The following CDC73 variants were observed in gnomAD, a reference collection of about 807,000 sequenced individuals.
CDC73 encodes cell division cycle 73.
Under a neutral mutation model 83.7 loss-of-function variants are expected in CDC73, and 21 were observed. The ratio of observed to expected loss-of-function variants is 0.25; its 90% CI spans 0.18 to 0.36. CDC73 has a LOEUF of 0.36. Among genes scored for constraint, CDC73 ranks in the 10% least tolerant of loss-of-function variants. The pLI, the probability that CDC73 is intolerant of heterozygous loss-of-function variation, is 1.00. For missense variants in CDC73, 342 were observed against 653.3 expected (o/e 0.52, Z 5.19); for synonymous variants, 224 against 212.9 (o/e 1.05, Z -0.45).
At chr1:193,247,816 G>A (rs1677979805) in intron 15 of CDC73, among the ~76,000 whole-genome samples, 1 of 152,094 alleles carries the variant, frequency 6.6e-6, no homozygotes, top group Non-Finnish European at 1.5e-5. Flanking sequence ...TGAAGGCTGA[G>A]AGAGGAGAGA....
intron 2 of CDC73, among the ~76,000 whole-genome samples, chr1:193,128,728 T>G (rs1176173775): frequency 6.6e-6 from 1 of 152,218 alleles, no homozygotes; most frequent in Non-Finnish European, 1.5e-5. Context: ...AGTGATTAAA[T>G]ACAGTTTATC....
chr1:193,171,190 G>A (rs1676512959), intron 10 of CDC73, among the ~76,000 whole-genome samples: 1 of 152,200 alleles, frequency 6.6e-6, no homozygotes, highest in Non-Finnish European at 1.5e-5. Flanking sequence ...CTAGGTCCCA[G>A]CGATATTCCC....
chr1:193,229,493 G>A (rs1677620996), intron 13 of CDC73, among the ~76,000 whole-genome samples: 1 of 152,238 alleles, frequency 6.6e-6, no homozygotes, highest in South Asian at 2.1e-4. Flanking sequence ...GGAGGACGCA[G>A]CAATAATACG....
chr1:193,155,330 G>A (rs1558290518), intron 10 of CDC73, among the ~76,000 whole-genome samples: 2 of 152,146 alleles, frequency 1.3e-5, no homozygotes, highest in Non-Finnish European at 2.9e-5. Flanking sequence ...TGTATAGTTG[G>A]GTTTCTGGTT....
At chr1:193,130,824 T>G (rs992800401) in intron 3 of CDC73, among the ~76,000 whole-genome samples, 1 of 152,216 alleles carries the variant, frequency 6.6e-6, no homozygotes, top group African/African-American at 2.4e-5. Flanking sequence ...CTCAACAGCA[T>G]TTGATACTGT....
intron 10 of CDC73, chr1:193,180,284 A>T: frequency 6.5e-7 from 1 of 1,535,860 alleles, no homozygotes; most frequent in Non-Finnish European, 8.7e-7. Flanking sequence ...TTGAAAAAAA[A>T]TTGTCTTTTC....
At position 193,234,341 on chromosome 1, in the gene CDC73, AAT is replaced by A. The variant is rs1359879878; in HGVS notation, c.1316+1202_1316+1203del. On this transcript the variant is annotated intron_variant, in intron 14 of 16. Transcript: ENST00000367435. Reference sequence around the variant, plus strand: ...TATATATATTTAAAACACACACATAAATATATATATATATATTTAAAATTATA... The same window carrying A: ...TATATATATTTAAAACACACACATAAATATATATATATATTTAAAATTATA... Among the ~76,000 whole-genome samples, 125 of 136,624 alleles carry A rather than the reference AAT, an allele frequency of 9.1e-4. 1 individual carries two copies. The highest frequency in any genetic ancestry group is 7.5e-3 in the East Asian group (38 of 5,046). The allele number at this position is 136,624 out of a possible 152,430, so 89.6% of individuals were successfully genotyped here. A position where few individuals can be genotyped will look rare whatever the true frequency, so the allele number is the denominator to read the frequency against.
rs186985559 is a variant in CDC73, at chr1:193,182,918, A to G, written c.973-20877A>G. Among the ~76,000 whole-genome samples, 22 of 152,192 alleles carry G rather than the reference A, an allele frequency of 1.4e-4. No individual in the cohort carries two copies. The East Asian group carries it at 4.0e-3, about 28-fold the overall frequency. ...TTTCCAACTTTTTATTATGAAAATTACTTCTTTAAGCAAAAGAAATCAATT... is the reference window on the plus strand; with the variant it reads ...TTTCCAACTTTTTATTATGAAAATTGCTTCTTTAAGCAAAAGAAATCAATT... On this transcript the variant is annotated intron_variant, in intron 10 of 16. Coordinates refer to ENST00000367435, the MANE Select transcript of CDC73 (RefSeq NM_024529.5).
intron 10 of CDC73, among the ~76,000 whole-genome samples, chr1:193,158,124 T>C (rs1047132665): frequency 3.8e-4 from 57 of 151,602 alleles, no homozygotes; most frequent in African/African-American, 7.5e-4. Context: ...TTGTTAATGA[T>C]ATAATTTTCA....
intron 13 of CDC73, among the ~76,000 whole-genome samples, chr1:193,227,406 A>C (rs1009322778): frequency 1.3e-5 from 2 of 151,826 alleles, no homozygotes; most frequent in Non-Finnish European, 2.9e-5. Context: ...CTGAGGTGGG[A>C]AGATTGCTTG....
chr1:193,134,677 A>G (rs527775484), intron 3 of CDC73, among the ~76,000 whole-genome samples: 81 of 152,352 alleles, frequency 5.3e-4, no homozygotes, highest in African/African-American at 1.9e-3. Context: ...TCAAAAAAAA[A>G]GTAAAGGAAA....
chr1:193,194,497 A>T (rs1018488903), intron 10 of CDC73, among the ~76,000 whole-genome samples: 20 of 152,164 alleles, frequency 1.3e-4, no homozygotes, highest in Non-Finnish European at 2.9e-4. Context: ...TGTACCATCT[A>T]CCTTATCCAT....
intron 10 of CDC73, among the ~76,000 whole-genome samples, chr1:193,170,382 C>A (rs1676499884): frequency 6.6e-6 from 1 of 152,174 alleles, no homozygotes; most frequent in Non-Finnish European, 1.5e-5. Context: ...GTTTCTTTCA[C>A]AATAGTTGAA....
intron 7 of CDC73, among the ~76,000 whole-genome samples, chr1:193,145,481 A>C (rs1047054076): frequency 6.6e-6 from 1 of 152,214 alleles, no homozygotes; most frequent in African/African-American, 2.4e-5. Context: ...GAGATTAAGG[A>C]AATTTGCAAA....
At chr1:193,172,151 C>G (rs1241903153) in intron 10 of CDC73, among the ~76,000 whole-genome samples, 1 of 151,318 alleles carries the variant, frequency 6.6e-6, no homozygotes, top group Non-Finnish European at 1.5e-5. Flanking sequence ...TCTCAAATGT[C>G]TGACCTCAAG....
At chr1:193,243,182 C>T (rs1043937578) in intron 15 of CDC73, among the ~76,000 whole-genome samples, 24 of 152,216 alleles carry the variant, frequency 1.6e-4, no homozygotes, top group Middle Eastern at 6.8e-3. Flanking sequence ...CCTCAGGATC[C>T]GCTCTCCTTG....
intron 11 of CDC73, among the ~76,000 whole-genome samples, chr1:193,206,282 T>TA (rs1677187875): frequency 6.6e-6 from 1 of 152,190 alleles, no homozygotes; most frequent in Non-Finnish European, 1.5e-5. Context: ...CAATGGAAAT[T>TA]ACTCTGAATG....
intron 11 of CDC73, among the ~76,000 whole-genome samples, chr1:193,205,683 T>C (rs2103180085): frequency 6.6e-6 from 1 of 152,276 alleles, no homozygotes; most frequent in East Asian, 1.9e-4. Flanking sequence ...GGGATGATCA[T>C]ACCAGAATCC....
At position 193,135,868 on chromosome 1, in the gene CDC73, C is replaced by CTT. The variant is rs1038256301; in HGVS notation, c.423+296_423+297dup. Among the ~76,000 whole-genome samples, 1,238 of 127,148 alleles carry CTT rather than the reference C, an allele frequency of 9.7e-3. 12 individuals carry two copies. Among genetic ancestry groups the CTT allele is most frequent in the South Asian group, 0.035 (135 of 3,908 alleles). 83.4% of individuals were successfully genotyped at this position (127,148 alleles called of 152,430 possible). A position where few individuals can be genotyped will look rare whatever the true frequency, so the allele number is the denominator to read the frequency against. On this transcript the variant is annotated intron_variant, in intron 5 of 16. Transcript: ENST00000367435. ...GTCAGAATTCTTTTTCCTTTCTGTT[C>CTT]TTTTTTTTTTTTTTTTTTGAGGCAG...
Sources: gnomAD v4.1 joint callset for allele counts (sites outside exome capture counted in the v4.1 genomes callset) on GRCh38, gnomAD v4.1.1 for gene constraint, MANE v1.5 for transcripts, NCBI Gene and HGNC (gene_info 2026-07-23, HGNC 2026-07-21) for gene names.